The following KIF24 variants were observed in gnomAD, a reference collection of about 807,000 sequenced individuals.
KIF24 encodes kinesin-like protein KIF24.
KIF24 carries 81 observed loss-of-function variants against 118.9 expected under a neutral mutation model. The observed-to-expected ratio is 0.68, with a 90% CI of 0.57 to 0.82. The LOEUF (loss-of-function observed/expected upper bound fraction) is 0.82, where lower values mean the gene tolerates loss of function less well. KIF24 is among the 40% of genes least tolerant of loss of function. The pLI, the probability that KIF24 is intolerant of heterozygous loss-of-function variation, is 0.00. For synonymous variants in KIF24, 599 were observed against 610.0 expected (o/e 0.98, Z 0.27); for missense variants, 1,560 against 1,661.6 (o/e 0.94, Z 1.06).
In KIF24 at chr9:34,313,177, A is replaced by G. The variant is rs1335684190; in HGVS notation, c.-25-1806T>C. Among the ~76,000 whole-genome samples the G allele has an allele frequency of 3.3e-5, 5 of 152,218 alleles. No homozygotes were observed. The East Asian group carries it at 9.6e-4, about 29-fold the overall frequency. On this transcript the variant is annotated intron_variant, in intron 1 of 12. Transcript: ENST00000402558. ...TATGCGACTTCCATGCCTAGGCCTC[A>G]AGGGCCCAGCCAACAGCCATCACCA... is the stretch of plus-strand genomic sequence containing the variant.
intron 4 of KIF24, among the ~76,000 whole-genome samples, chr9:34,291,437 T>C (rs971661307): frequency 3.9e-5 from 6 of 152,248 alleles, no homozygotes; most frequent in African/African-American, 1.4e-4. Context: ...TGCCTCAGTT[T>C]TCACTTTTAT....
chr9:34,290,852 G>A (rs527250581), intron 4 of KIF24, among the ~76,000 whole-genome samples: 13 of 151,914 alleles, frequency 8.6e-5, no homozygotes, highest in Non-Finnish European at 1.8e-4. Flanking sequence ...TGCCCACCTC[G>A]GCCACTCAAA....
rs1836056037 is a variant in KIF24 at position 34,286,487 on chromosome 9, G to A, written c.1215+130C>T. On this transcript the variant is annotated intron_variant, in intron 6 of 12. Coordinates refer to ENST00000402558, the MANE Select transcript of KIF24 (RefSeq NM_194313.4). Reference sequence around the variant, plus strand: ...AGAAAAGAATTCACATTTTACAGATGGGAAGTGGTGGGCTTGTCATTGCCC... The same window carrying A: ...AGAAAAGAATTCACATTTTACAGATAGGAAGTGGTGGGCTTGTCATTGCCC... 1.1e-5 allele frequency: 7 copies of A among 627,474 alleles called. No individual in the cohort carries two copies. The South Asian group carries it at 1.4e-4, about 13-fold the overall frequency. 38.9% of individuals were successfully genotyped at this position (627,474 alleles called of 1,614,324 possible).
At position 34,254,264 on chromosome 9, in the gene KIF24, A is replaced by G. The variant is rs998412551; in HGVS notation, c.*116T>C. ...GGGCTGGGGTGACGCTAGCATAGGCAGGACCAGCGTGTGGGTTCTGGTGTG... is the reference window on the plus strand; with the variant it reads ...GGGCTGGGGTGACGCTAGCATAGGCGGGACCAGCGTGTGGGTTCTGGTGTG... On this transcript the variant is annotated 3_prime_UTR_variant, in exon 13 of 13. Transcript: ENST00000402558. 8 of 1,180,368 alleles carry G rather than the reference A, an allele frequency of 6.8e-6. No individual in the cohort carries two copies. Among genetic ancestry groups the G allele is most frequent in the Non-Finnish European group, 9.1e-6 (8 of 875,440 alleles). The allele number at this position is 1,180,368 out of a possible 1,614,324, so 73.1% of individuals were successfully genotyped here. A position where few individuals can be genotyped will look rare whatever the true frequency, so the allele number is the denominator to read the frequency against.
At position 34,318,624 on chromosome 9, in the gene KIF24, TG is replaced by T; in HGVS notation, c.-25-7254del. The T allele has an allele frequency of 6.6e-7, 1 of 1,524,898 alleles. No homozygotes were observed. The allele number at this position is 1,524,898 out of a possible 1,614,324, so 94.5% of individuals were successfully genotyped here. On this transcript the variant is annotated intron_variant, in intron 1 of 12. Transcript: ENST00000402558. This position sits in a 1 kb window ranked among gnomAD's most constrained non-coding sequence, Gnocchi z 4.9. ...AACATCCTGGTGTCGCCCGTGGTGG[TG>T]GCCTCGTCGTTGGGGCTCGTGTCGC...
intron 6 of KIF24, among the ~76,000 whole-genome samples, chr9:34,277,537 A>C (rs1835701547): frequency 6.6e-6 from 1 of 152,164 alleles, no homozygotes; most frequent in African/African-American, 2.4e-5. Context: ...AGAGTGTCAA[A>C]AAAGATTGGC....
intron 6 of KIF24, among the ~76,000 whole-genome samples, chr9:34,284,142 CT>C (rs1341364886): frequency 2.6e-5 from 4 of 152,034 alleles, no homozygotes; most frequent in African/African-American, 9.7e-5. Flanking sequence ...GTGGCATATG[CT>C]TGTGGTCCCA....
Position 34,259,624 on chromosome 9 carries a change from T to TGTGTTCA in KIF24, c.1590_1596dup (p.Thr533Ter). 6.2e-7 allele frequency: 1 copy of TGTGTTCA among 1,613,738 alleles called. No individual in the cohort carries two copies. Among genetic ancestry groups the TGTGTTCA allele is most frequent in the Non-Finnish European group, 8.5e-7 (1 of 1,179,818 alleles). Reference sequence around the variant, plus strand: ...TCAGCATAGCGCAAGGTGTTGAGAGTGTGTTCAGTGGCCACGTGGCTTGGT... The same window carrying TGTGTTCA: ...TCAGCATAGCGCAAGGTGTTGAGAGTGTGTTCAGTGTTCAGTGGCCACGTGGCTTGGT... On this transcript the variant is annotated stop_gained and frameshift_variant, in exon 10 of 13. Transcript: ENST00000402558. LOFTEE classifies it high-confidence loss of function.
chr9:34,308,174 C>T (rs866045957), intron 2 of KIF24, among the ~76,000 whole-genome samples: 6 of 152,182 alleles, frequency 3.9e-5, no homozygotes, highest in African/African-American at 1.2e-4. Context: ...CACCATGTTG[C>T]CCAGGCTGGC....
At chr9:34,261,425 T>G (rs1446378524) in intron 9 of KIF24, among the ~76,000 whole-genome samples, 1 of 152,338 alleles carries the variant, frequency 6.6e-6, no homozygotes, top group African/African-American at 2.4e-5. Context: ...AGGCACACTT[T>G]CATGACAGAA....
intron 6 of KIF24, among the ~76,000 whole-genome samples, chr9:34,279,426 C>T (rs1399175287): frequency 6.6e-6 from 1 of 152,166 alleles, no homozygotes; most frequent in Admixed American, 6.5e-5. Context: ...ATAGGAATGA[C>T]TGTAAAAAAT....
chr9:34,256,301 G>C lies in KIF24; in HGVS notation c.3306C>G (p.Ala1102=). The stretch of plus-strand genomic sequence containing the variant: ...GCCTAGTTGCTGAAGACACTGGCAA[G>C]GCTGCCTCTTGATCACCAGATGGCA... ...HTVPSGDQEA[A]LPVSSATRHL... Residue 1102 remains alanine, a synonymous_variant, in exon 11 of 13, where the codon GCC becomes GCG. Transcript: ENST00000402558. 1 of 1,612,696 alleles carries C rather than the reference G, an allele frequency of 6.2e-7. No individual in the cohort carries two copies. Among genetic ancestry groups the C allele is most frequent in the Non-Finnish European group, 8.5e-7 (1 of 1,179,316 alleles).
rs1488893078 is a variant in KIF24 at position 34,253,699 on chromosome 9, C to T, written c.*681G>A. On this transcript the variant is annotated 3_prime_UTR_variant, in exon 13 of 13. Transcript: ENST00000402558. ...GAAAAATTGATGTGTGACACAGGCA[C>T]CCTCTTCTGCCTCAACACTGGATTG... is the stretch of plus-strand genomic sequence containing the variant. 6.6e-6 allele frequency: 1 copy of T among 152,208 alleles called. No homozygotes were observed. The highest frequency in any genetic ancestry group is 1.5e-5 in the Non-Finnish European group (1 of 68,072). 9.4% of individuals were successfully genotyped at this position (152,208 alleles called of 1,614,324 possible). A position where few individuals can be genotyped will look rare whatever the true frequency, so the allele number is the denominator to read the frequency against.
chr9:34,264,220 G>A (rs1486691874), intron 8 of KIF24, among the ~76,000 whole-genome samples: 1 of 151,344 alleles, frequency 6.6e-6, no homozygotes, highest in Non-Finnish European at 1.5e-5. Flanking sequence ...TCAGGAGATC[G>A]AGACCAGCTT....
chr9:34,267,302 C>T (rs147883561), intron 8 of KIF24, among the ~76,000 whole-genome samples: 1 of 152,084 alleles, frequency 6.6e-6, no homozygotes, highest in East Asian at 1.9e-4. Context: ...AAAATAAAGG[C>T]TGAAAGGAAA....
chr9:34,265,379 A>G (rs939265922), intron 8 of KIF24, among the ~76,000 whole-genome samples: 2 of 152,202 alleles, frequency 1.3e-5, no homozygotes, highest in African/African-American at 2.4e-5. Flanking sequence ...TGTGATGCCC[A>G]GGCTGGTCCT....
At position 34,283,363 on chromosome 9, in the gene KIF24, A is replaced by G. The variant is rs527377838; in HGVS notation, c.1215+3254T>C. On this transcript the variant is annotated intron_variant, in intron 6 of 12. Coordinates refer to ENST00000402558, the MANE Select transcript of KIF24 (RefSeq NM_194313.4). ...CTCCAGCCTGGGCAATAGGAGTGAG[A>G]CCCTGTCTCAAAAATAAAAAATAAA... is the stretch of plus-strand genomic sequence containing the variant. Among the ~76,000 whole-genome samples, 4 of 152,142 alleles carry G rather than the reference A, an allele frequency of 2.6e-5. No individual in the cohort carries two copies. In the East Asian group the frequency reaches 7.7e-4, roughly 29 times the overall value.
At chr9:34,330,322 A>G (rs1261216225), upstream of KIF24, among the ~76,000 whole-genome samples, 1 of 152,150 alleles carries the variant, frequency 6.6e-6, no homozygotes, top group Non-Finnish European at 1.5e-5. Context: ...GGAGAATGGC[A>G]TGAACCCAGG....
chr9:34,263,321 A>T, intron 8 of KIF24, 149 bp from the exon 9 acceptor site: 1 of 667,884 alleles, frequency 1.5e-6, no homozygotes, highest in South Asian at 1.7e-5. Context: ...TGTAGTTTCC[A>T]TTCAACAAGA....
Sources: allele counts gnomAD v4.1 joint callset (sites outside exome capture counted in the v4.1 genomes callset), GRCh38; gene constraint gnomAD v4.1.1; non-coding constraint Gnocchi (gnomAD v3.1); transcripts MANE v1.5; gene names NCBI Gene and HGNC (gene_info 2026-07-23, HGNC 2026-07-21).